Variants in CPED1 observed in about 807,000 individuals in gnomAD.
The protein encoded by CPED1 is cadherin-like and PC-esterase domain-containing protein 1.
In CPED1, 114 loss-of-function variants were observed where a neutral mutation model predicts 128.2. The ratio of observed to expected loss-of-function variants is 0.89; its 90% CI spans 0.76 to 1.04. The LOEUF (loss-of-function observed/expected upper bound fraction) is 1.04, where lower values mean the gene tolerates loss of function less well. Ranked by LOEUF, CPED1 falls within the 50% of genes least tolerant of loss-of-function variation. The pLI is 0.00. For missense variants in CPED1, 1,211 were observed against 1,207.1 expected (o/e 1.00, Z -0.05); for synonymous variants, 462 against 426.7 (o/e 1.08, Z -1.02).
intron 16 of CPED1, among the ~76,000 whole-genome samples, chr7:121,147,602 A>G (rs1015035776): frequency 6.6e-5 from 10 of 152,094 alleles, no homozygotes; most frequent in African/African-American, 2.4e-4. Context: ...GGAACAATAT[A>G]ATATTCACAC....
At chr7:121,250,469 A>C (rs1798643847) in intron 18 of CPED1, among the ~76,000 whole-genome samples, 1 of 152,040 alleles carries the variant, frequency 6.6e-6, no homozygotes, top group Non-Finnish European at 1.5e-5. Context: ...AATAACTAAG[A>C]TCAGAGCAGA....
chr7:121,240,110 A>ATAGAG (rs1469165209), intron 17 of CPED1, among the ~76,000 whole-genome samples: 2 of 152,218 alleles, frequency 1.3e-5, no homozygotes, highest in African/African-American at 4.8e-5. Flanking sequence ...CTGTATAAAT[A>ATAGAG]TAGAGTAGTA....
chr7:121,170,349 G>A (rs547404511), intron 16 of CPED1, among the ~76,000 whole-genome samples: 2 of 152,220 alleles, frequency 1.3e-5, no homozygotes, highest in Non-Finnish European at 2.9e-5. Flanking sequence ...TGGAGTAGCT[G>A]AATTTTTCTG....
At chr7:120,993,478 A>G (rs754127941) in intron 2 of CPED1, among the ~76,000 whole-genome samples, 1 of 152,202 alleles carries the variant, frequency 6.6e-6, no homozygotes, top group Non-Finnish European at 1.5e-5. Flanking sequence ...ATTCTATATG[A>G]CATCTACTTT....
chr7:121,268,482 G>A (rs1792173426), intron 21 of CPED1, among the ~76,000 whole-genome samples: 2 of 152,050 alleles, frequency 1.3e-5, no homozygotes, highest in Admixed American at 1.3e-4. Flanking sequence ...GAAAAGAAGA[G>A]GAAGGGCAAA....
chr7:121,282,590 G>A (rs1289151908), intron 22 of CPED1, among the ~76,000 whole-genome samples: 1 of 152,146 alleles, frequency 6.6e-6, no homozygotes, highest in African/African-American at 2.4e-5. Flanking sequence ...GTAATATTTT[G>A]AATCTCAGGG....
chr7:121,243,835 T>C (rs10230310), intron 17 of CPED1, among the ~76,000 whole-genome samples: 16,425 of 152,236 alleles, frequency 0.11, 1,142 homozygotes, highest in African/African-American at 0.19. Context: ...CTAATAAATA[T>C]TTGAGGCTAA....
intron 16 of CPED1, among the ~76,000 whole-genome samples, chr7:121,188,704 G>A (rs1797058713): frequency 6.6e-6 from 1 of 152,044 alleles, no homozygotes; most frequent in African/African-American, 2.4e-5. Context: ...GAGAAAATCA[G>A]GAGAGTGTGG....
At chr7:121,182,753 T>C (rs1026293281) in intron 16 of CPED1, among the ~76,000 whole-genome samples, 1 of 152,038 alleles carries the variant, frequency 6.6e-6, no homozygotes, top group Non-Finnish European at 1.5e-5. Context: ...TGGGATTACT[T>C]TGGGCAAGTT....
At chr7:121,006,972 G>A (rs894811649) in intron 2 of CPED1, among the ~76,000 whole-genome samples, 1 of 152,158 alleles carries the variant, frequency 6.6e-6, no homozygotes, top group African/African-American at 2.4e-5. Flanking sequence ...TTCCAGGGGA[G>A]GTGGAGGCTG....
intron 2 of CPED1, among the ~76,000 whole-genome samples, chr7:121,013,473 A>G (rs568077400): frequency 6.6e-6 from 1 of 152,228 alleles, no homozygotes; most frequent in Non-Finnish European, 1.5e-5. Context: ...AACATGTGCC[A>G]GGCAGAGCAC....
chr7:121,162,216 T>C (rs1796426523), intron 16 of CPED1, among the ~76,000 whole-genome samples: 1 of 152,240 alleles, frequency 6.6e-6, no homozygotes, highest in South Asian at 2.1e-4. Context: ...GCATATGCCC[T>C]GTTAAATGTG....
chr7:121,201,504 G>A (rs183350296), intron 16 of CPED1, among the ~76,000 whole-genome samples: 18 of 151,518 alleles, frequency 1.2e-4, no homozygotes, highest in Admixed American at 1.2e-3. Context: ...GAGAGAGAAG[G>A]AAAGAAAGAG....
At position 121,127,979 on chromosome 7, in the gene CPED1, A is replaced by C. The variant is rs144282887; in HGVS notation, c.1303-403A>C. Among the ~76,000 whole-genome samples, 1,071 of 152,310 alleles carry C rather than the reference A, an allele frequency of 7.0e-3. 15 individuals are homozygous for C. Among genetic ancestry groups the C allele is most frequent in the African/African-American group, 0.023 (946 of 41,570 alleles). ...TTAGAACTCTTTGGAGGCAGTCTAG[A>C]ATAGCAGTGAGTGCTCCAGATTGAC... On this transcript the variant is annotated intron_variant, in intron 10 of 22. Transcript: ENST00000310396.
At chr7:121,068,231 T>G (rs1381684478) in intron 5 of CPED1, among the ~76,000 whole-genome samples, 4 of 152,100 alleles carry the variant, frequency 2.6e-5, no homozygotes, top group Admixed American at 6.6e-5. Flanking sequence ...TTTCTTCTAG[T>G]GCTTTTATGG....
intron 4 of CPED1, among the ~76,000 whole-genome samples, chr7:121,057,736 T>C (rs1377235243): frequency 6.6e-6 from 1 of 152,236 alleles, no homozygotes. Flanking sequence ...AATTATTTAT[T>C]AAACATATTT....
intron 21 of CPED1, among the ~76,000 whole-genome samples, chr7:121,271,074 A>G (rs1481467886): frequency 6.6e-6 from 1 of 152,092 alleles, no homozygotes; most frequent in Non-Finnish European, 1.5e-5. Flanking sequence ...CACTGTAGAT[A>G]TTGCTGTTTT....
At chr7:121,156,712 GAA>G (rs1796292957) in intron 16 of CPED1, among the ~76,000 whole-genome samples, 1 of 151,126 alleles carries the variant, frequency 6.6e-6, no homozygotes, top group Admixed American at 6.6e-5. Flanking sequence ...AAGGAAAAAA[GAA>G]TATAGCTATA....
chr7:121,140,820 T>G lies in CPED1; in HGVS notation c.1700-7T>G. ...TGTCTTTGTCATTGTTTTTGTTTTT[T>G]TAACAGATGAAAACACACCATGTCA... On this transcript the variant is annotated splice_polypyrimidine_tract_variant and splice_region_variant and intron_variant, in intron 14 of 22. Transcript: ENST00000310396. 2.5e-6 allele frequency: 4 copies of G among 1,599,894 alleles called. No homozygotes were observed. Among genetic ancestry groups the G allele is most frequent in the Non-Finnish European group, 3.4e-6 (4 of 1,174,466 alleles).
Sources: gnomAD v4.1 joint callset for allele counts (sites outside exome capture counted in the v4.1 genomes callset) on GRCh38, gnomAD v4.1.1 for gene constraint, MANE v1.5 for transcripts, NCBI Gene and HGNC (gene_info 2026-07-23, HGNC 2026-07-21) for gene names.